RELN: variants seen among roughly 807,000 people sequenced by gnomAD.
RELN encodes reelin.
Under a neutral mutation model 427.6 loss-of-function variants are expected in RELN, and 108 were observed. That is an observed-to-expected ratio of 0.25 (90% confidence interval 0.22 to 0.30). The LOEUF is 0.30. RELN is among the 10% of genes least tolerant of loss of function. RELN has a pLI of 1.00. For synonymous variants in RELN, 1,524 were observed against 1,513.4 expected, an observed-to-expected ratio of 1.01 and a Z score of -0.16; for missense variants, 3,715 against 4,302.8, an observed-to-expected ratio of 0.86 and a Z score of 3.82.
Position 103,730,486 on chromosome 7 carries a change from T to TA in RELN, c.657-2280dup, listed in dbSNP as rs3216271. Among the ~76,000 whole-genome samples, 843 of 144,800 alleles carry TA rather than the reference T, an allele frequency of 5.8e-3. 8 individuals are homozygous for TA. The highest frequency in any genetic ancestry group is 5.7e-3 in the Non-Finnish European group (375 of 65,552). 95.0% of individuals were successfully genotyped at this position (144,800 alleles called of 152,430 possible). Reference sequence around the variant, plus strand: ...TCTATGTGGCAGAATAGCAGGGATTTAAAAAAAAAAACAATAAACACAAGA... The same window carrying TA: ...TCTATGTGGCAGAATAGCAGGGATTTAAAAAAAAAAAACAATAAACACAAGA... On this transcript the variant is annotated intron_variant, in intron 6 of 64. Coordinates refer to ENST00000428762, the MANE Select transcript of RELN (RefSeq NM_005045.4).
chr7:103,649,095 A>G (rs1160990208), intron 16 of RELN, among the ~76,000 whole-genome samples: 1 of 152,032 alleles, frequency 6.6e-6, no homozygotes, highest in African/African-American at 2.4e-5. Flanking sequence ...GTATCTACCC[A>G]AAGAAAAAGA....
chr7:103,551,940 T>TGG (rs1554376291), intron 40 of RELN, among the ~76,000 whole-genome samples: 9 of 146,452 alleles, frequency 6.1e-5, no homozygotes, highest in Admixed American at 3.4e-4. Flanking sequence ...TGTGTGTGGG[T>TGG]GTGTGTGTGT....
At chr7:103,607,607 G>C (rs527672911) in intron 22 of RELN, among the ~76,000 whole-genome samples, 7 of 152,146 alleles carry the variant, frequency 4.6e-5, no homozygotes, top group Admixed American at 6.5e-5. Flanking sequence ...TAAACTCTCC[G>C]GATTCCCCAA....
At chr7:103,755,607 C>CAA (rs1162038018) in intron 4 of RELN, among the ~76,000 whole-genome samples, 5 of 53,930 alleles carry the variant, frequency 9.3e-5, no homozygotes, top group East Asian at 4.5e-4. Flanking sequence ...GACTCTGTCT[C>CAA]AAAAAAAAAA....
intron 22 of RELN, among the ~76,000 whole-genome samples, chr7:103,605,800 C>A (rs1307437778): frequency 6.6e-6 from 1 of 152,066 alleles, no homozygotes; most frequent in African/African-American, 2.4e-5. Flanking sequence ...GTTAAAATTC[C>A]GACTAAGCCT....
intron 8 of RELN, among the ~76,000 whole-genome samples, chr7:103,705,237 C>A (rs1201823601): frequency 6.6e-6 from 1 of 152,138 alleles, no homozygotes; most frequent in Non-Finnish European, 1.5e-5. Flanking sequence ...ATTCATAACT[C>A]CTAAATGGGC....
intron 8 of RELN, among the ~76,000 whole-genome samples, chr7:103,711,794 T>G (rs112956765): frequency 0.035 from 5,329 of 152,110 alleles, 317 homozygotes; most frequent in African/African-American, 0.12. Context: ...GTAGCTGGGA[T>G]TGCAGGCACC....
intron 24 of RELN, among the ~76,000 whole-genome samples, chr7:103,598,353 A>G (rs753436615): frequency 1.3e-5 from 2 of 152,192 alleles, no homozygotes; most frequent in Non-Finnish European, 2.9e-5. Flanking sequence ...GTTGATTTGA[A>G]ATATTGTAAG....
chr7:103,936,348 C>T (rs12536011), intron 1 of RELN, among the ~76,000 whole-genome samples: 37,272 of 152,072 alleles, frequency 0.25, 5,743 homozygotes, highest in Non-Finnish European at 0.34. Context: ...CTGTCTCAGC[C>T]TCCCAAAGTG....
intron 14 of RELN, 48 bp from the exon 15 acceptor site, chr7:103,651,837 T>A (rs1832922155): frequency 8.8e-6 from 14 of 1,595,906 alleles, no homozygotes; most frequent in Non-Finnish European, 1.2e-5. Flanking sequence ...AGGGTAAAGA[T>A]AACAAATCAA....
At chr7:103,816,660 A>G (rs145459886) in intron 3 of RELN, among the ~76,000 whole-genome samples, 1 of 151,966 alleles carries the variant, frequency 6.6e-6, no homozygotes, top group African/African-American at 2.4e-5. Context: ...GATCTGTAAG[A>G]CCAACATTCT....
intron 4 of RELN, among the ~76,000 whole-genome samples, chr7:103,756,550 G>C (rs932180409): frequency 6.6e-6 from 1 of 152,098 alleles, no homozygotes; most frequent in Non-Finnish European, 1.5e-5. Flanking sequence ...TGATTTGAAA[G>C]CTACTCCTTA....
rs749707073 is a variant in RELN at position 103,495,855 on chromosome 7, A to G, written c.9237T>C (p.Ala3079=). 16 of 1,613,918 alleles carry G rather than the reference A, an allele frequency of 9.9e-6. No homozygotes were observed. Among genetic ancestry groups the G allele is most frequent in the Middle Eastern group, 3.3e-4 (2 of 6,058 alleles). Residue 3079 remains alanine, a synonymous_variant, in exon 57 of 65, where the codon GCT becomes GCC. Coordinates refer to ENST00000428762, the MANE Select transcript of RELN (RefSeq NM_005045.4). The stretch of plus-strand genomic sequence containing the variant: ...TGCCACAAAATCCTGCTGTCCTTAC[A>G]GCATTAGGGTAAAAACTCCAGTTTT... ...HEENWSFYPN[A]VRTAGFCGNP...
Position 103,646,587 on chromosome 7 carries a change from G to A in RELN, c.2002+3687C>T, listed in dbSNP as rs141199026. On this transcript the variant is annotated intron_variant, in intron 16 of 64. Transcript: ENST00000428762. ...TTGAAGCAGGAAGAAATAGAAATCC[G>A]GAAAAGAAAAATAACAAGTAGTGAC... is the stretch of plus-strand genomic sequence containing the variant. Among the ~76,000 whole-genome samples the A allele has an allele frequency of 9.9e-5, 15 of 151,678 alleles. No individual in the cohort carries two copies. The East Asian group carries it at 2.1e-3, about 22-fold the overall frequency.
At chr7:103,488,293 C>T (rs570500254) in intron 60 of RELN, among the ~76,000 whole-genome samples, 1 of 152,268 alleles carries the variant, frequency 6.6e-6, no homozygotes, top group Admixed American at 6.5e-5. Flanking sequence ...TTGCATTTCC[C>T]CTTGATTTAA....
intron 4 of RELN, among the ~76,000 whole-genome samples, chr7:103,776,283 T>C (rs1791740421): frequency 6.6e-6 from 1 of 152,226 alleles, no homozygotes; most frequent in Admixed American, 6.5e-5. Flanking sequence ...TAAAAATTAC[T>C]ACTAAGATTT....
chr7:103,767,196 T>C (rs1237282830), intron 4 of RELN, among the ~76,000 whole-genome samples: 1 of 152,230 alleles, frequency 6.6e-6, no homozygotes, highest in African/African-American at 2.4e-5. Context: ...TTGCCTTAAC[T>C]GTGTAGATTT....
chr7:103,882,132 A>C (rs1425157946), intron 2 of RELN, among the ~76,000 whole-genome samples: 1 of 152,230 alleles, frequency 6.6e-6, no homozygotes, highest in African/African-American at 2.4e-5. Flanking sequence ...ACAAAATGAA[A>C]GAAAAGGAGA....
intron 11 of RELN, among the ~76,000 whole-genome samples, chr7:103,671,163 G>T (rs1377757056): frequency 1.3e-5 from 2 of 152,086 alleles, no homozygotes; most frequent in Non-Finnish European, 2.9e-5. Flanking sequence ...GTCCTCTGAA[G>T]TCTAGCAAGA....
Sources: allele counts gnomAD v4.1 joint callset (sites outside exome capture counted in the v4.1 genomes callset), GRCh38; gene constraint gnomAD v4.1.1; transcripts MANE v1.5; gene names NCBI Gene and HGNC (gene_info 2026-07-23, HGNC 2026-07-21).